NLGN1: variants seen among roughly 807,000 people sequenced by gnomAD.
The protein encoded by NLGN1 is neuroligin-1.
NLGN1 carries 12 observed loss-of-function variants against 65.5 expected under a neutral mutation model. The observed-to-expected ratio is 0.18, with a 90% CI of 0.12 to 0.30. The LOEUF (loss-of-function observed/expected upper bound fraction) is 0.30. NLGN1 is among the 10% of genes least tolerant of loss of function. The pLI is 1.00. For missense variants in NLGN1, 750 were observed against 1,007.1 expected, an observed-to-expected ratio of 0.74 and a Z score of 3.46; for synonymous variants, 350 against 359.5, an observed-to-expected ratio of 0.97 and a Z score of 0.30.
At chr3:173,877,765 C>T (rs761142370) in intron 4 of NLGN1, among the ~76,000 whole-genome samples, 2 of 152,122 alleles carry the variant, frequency 1.3e-5, no homozygotes, top group Non-Finnish European at 2.9e-5. Flanking sequence ...TAACAGCTAA[C>T]ATTTGTGTAG....
chr3:173,942,171 A>T (rs566698854), intron 4 of NLGN1, among the ~76,000 whole-genome samples: 1 of 151,250 alleles, frequency 6.6e-6, no homozygotes, highest in South Asian at 2.1e-4. Context: ...TGTATATATA[A>T]TATGTGTATA....
chr3:173,810,431 A>G (rs961937726), intron 4 of NLGN1, among the ~76,000 whole-genome samples: 4 of 152,204 alleles, frequency 2.6e-5, no homozygotes, highest in Non-Finnish European at 5.9e-5. Context: ...ATCCGAGGAA[A>G]TCCTGAGCTG....
At chr3:174,039,271 T>G (rs1034976884) in intron 4 of NLGN1, among the ~76,000 whole-genome samples, 4 of 152,016 alleles carry the variant, frequency 2.6e-5, no homozygotes, top group Non-Finnish European at 5.9e-5. Flanking sequence ...TCTTTTAAAT[T>G]TTACTTTAAG....
At chr3:174,225,753 A>G (rs1050778459) in intron 4 of NLGN1, among the ~76,000 whole-genome samples, 4 of 152,048 alleles carry the variant, frequency 2.6e-5, no homozygotes, top group Admixed American at 2.6e-4. Context: ...AAATTAGATT[A>G]TTCTTGCAAG....
chr3:174,001,666 T>C (rs1397223269), intron 4 of NLGN1, among the ~76,000 whole-genome samples: 2 of 152,214 alleles, frequency 1.3e-5, no homozygotes, highest in African/African-American at 4.8e-5. Flanking sequence ...CTCATTACTA[T>C]ATTTTGAGGA....
At chr3:173,670,544 G>A (rs1055880659) in intron 3 of NLGN1, among the ~76,000 whole-genome samples, 5 of 152,238 alleles carry the variant, frequency 3.3e-5, no homozygotes, top group African/African-American at 4.8e-5. Context: ...AGTTCTATAA[G>A]TAGCTCTGTT....
intron 4 of NLGN1, among the ~76,000 whole-genome samples, chr3:173,851,646 G>C (rs1040754147): frequency 6.6e-6 from 1 of 152,018 alleles, no homozygotes; most frequent in African/African-American, 2.4e-5. Flanking sequence ...GGTTTCTTTT[G>C]ATAATATTAT....
At chr3:174,093,029 A>G (rs1212683131) in intron 4 of NLGN1, among the ~76,000 whole-genome samples, 2 of 152,194 alleles carry the variant, frequency 1.3e-5, no homozygotes, top group Non-Finnish European at 2.9e-5. Flanking sequence ...GCCATACCTA[A>G]CAACAGTGAA....
intron 2 of NLGN1, among the ~76,000 whole-genome samples, chr3:173,522,718 C>G: frequency 6.6e-6 from 1 of 152,150 alleles, no homozygotes; most frequent in East Asian, 1.9e-4. Context: ...CAGGTGTGAG[C>G]CACCCTGCCT....
chr3:173,873,109 G>A (rs1180619666), intron 4 of NLGN1, among the ~76,000 whole-genome samples: 10 of 147,562 alleles, frequency 6.8e-5, no homozygotes, highest in African/African-American at 2.3e-4. Context: ...TTTTTTTTGA[G>A]ACCGAATCTC....
intron 4 of NLGN1, among the ~76,000 whole-genome samples, chr3:174,021,138 T>C (rs755149802): frequency 6.6e-6 from 1 of 151,836 alleles, no homozygotes; most frequent in Non-Finnish European, 1.5e-5. Flanking sequence ...GGAGGGTGGC[T>C]AGTGGTAAAG....
intron 4 of NLGN1, among the ~76,000 whole-genome samples, chr3:173,829,066 C>G (rs1208291351): frequency 3.3e-5 from 5 of 151,948 alleles, no homozygotes; most frequent in African/African-American, 1.2e-4. Flanking sequence ...AGCAGGGAGA[C>G]CAGATGGAAG....
In NLGN1 at chr3:173,553,053, G is replaced by A. The variant is rs1388358068; in HGVS notation, c.-320-51226G>A. Reference sequence around the variant, plus strand: ...TAGTAAAATTCTCAGGTAATTCAGTGCACATTAAAATTTACGGGGCAGTGC... The same window carrying A: ...TAGTAAAATTCTCAGGTAATTCAGTACACATTAAAATTTACGGGGCAGTGC... On this transcript the variant is annotated intron_variant, in intron 2 of 6. Transcript: ENST00000457714. 3.3e-5 allele frequency among the ~76,000 whole-genome samples: 5 copies of A among 152,206 alleles called. No homozygotes were observed. In the East Asian group the frequency reaches 5.8e-4, roughly 18 times the overall value.
chr3:174,153,019 C>T (rs1263525320), intron 4 of NLGN1, among the ~76,000 whole-genome samples: 2 of 152,136 alleles, frequency 1.3e-5, no homozygotes, highest in African/African-American at 4.8e-5. Flanking sequence ...GCCTACCTTT[C>T]TGACTTTACT....
chr3:173,924,065 A>G (rs995584928), intron 4 of NLGN1, among the ~76,000 whole-genome samples: 3 of 152,154 alleles, frequency 2.0e-5, no homozygotes, highest in African/African-American at 7.2e-5. Flanking sequence ...CCATGACTAC[A>G]AAAACTGATT....
chr3:173,749,658 A>G (rs527916791), intron 3 of NLGN1, among the ~76,000 whole-genome samples: 1 of 152,148 alleles, frequency 6.6e-6, no homozygotes, highest in East Asian at 1.9e-4. Flanking sequence ...TTCCTTAAAT[A>G]GTGCTTCTAA....
intron 4 of NLGN1, among the ~76,000 whole-genome samples, chr3:173,918,286 C>T (rs1250962824): frequency 2.0e-5 from 3 of 152,058 alleles, no homozygotes; most frequent in Non-Finnish European, 4.4e-5. Context: ...AGTATCATTA[C>T]AGTTCTCTGT....
chr3:173,704,017 G>A (rs1767648535), intron 3 of NLGN1, among the ~76,000 whole-genome samples: 1 of 152,208 alleles, frequency 6.6e-6, no homozygotes, highest in Admixed American at 6.5e-5. Flanking sequence ...GCAATTAGAG[G>A]CTGTGGCGGA....
At chr3:173,408,105 G>T (rs760910302) in intron 1 of NLGN1, among the ~76,000 whole-genome samples, 3 of 151,940 alleles carry the variant, frequency 2.0e-5, no homozygotes, top group South Asian at 4.1e-4. Context: ...TCGCTCTGTT[G>T]CCCAGGCTGG....
Sources: gnomAD v4.1 joint callset for allele counts (sites outside exome capture counted in the v4.1 genomes callset) on GRCh38, gnomAD v4.1.1 for gene constraint, MANE v1.5 for transcripts, NCBI Gene and HGNC (gene_info 2026-07-23, HGNC 2026-07-21) for gene names.